Variants in SPMIP2 observed in about 807,000 individuals in gnomAD.
SPMIP2 encodes sperm microtubule inner protein 2.
chr4:158,961,544 T>C, the SPMIP2 span, among the ~76,000 whole-genome samples: 19,166 of 152,120 alleles, frequency 0.13, 1,986 homozygotes, highest in African/African-American at 0.28. Context: ...CCCCTGAAAA[T>C]TGAATTTGAA....
At chr4:158,902,624 G>C in the SPMIP2 span, among the ~76,000 whole-genome samples, 16 of 152,302 alleles carry the variant, frequency 1.1e-4, no homozygotes, top group Middle Eastern at 3.4e-3. Context: ...AAAGAGATGG[G>C]GGTTTTATCT....
chr4:158,904,774 C>A, the SPMIP2 span: 1 of 496,568 alleles, frequency 2.0e-6, no homozygotes, highest in Non-Finnish European at 3.6e-6. Flanking sequence ...CCATTTGTTA[C>A]CCATGAATCA....
the SPMIP2 span, among the ~76,000 whole-genome samples, chr4:159,054,927 C>T: frequency 2.7e-5 from 4 of 150,800 alleles, no homozygotes; most frequent in Middle Eastern, 3.4e-3. Context: ...AAGACAATAT[C>T]GAGCACCCCA....
chr4:159,023,369 A>G, the SPMIP2 span, among the ~76,000 whole-genome samples: 1 of 152,152 alleles, frequency 6.6e-6, no homozygotes, highest in Non-Finnish European at 1.5e-5. Flanking sequence ...TTGGAGTGGA[A>G]CTGTACCACC....
the SPMIP2 span, among the ~76,000 whole-genome samples, chr4:159,044,103 T>C: frequency 6.6e-6 from 1 of 152,186 alleles, no homozygotes; most frequent in Non-Finnish European, 1.5e-5. Flanking sequence ...TCTTGTTGTA[T>C]ATTTTATCAA....
At chr4:158,903,648 C>T in the SPMIP2 span, among the ~76,000 whole-genome samples, 1 of 152,158 alleles carries the variant, frequency 6.6e-6, no homozygotes, top group Non-Finnish European at 1.5e-5. Flanking sequence ...ACTAAAAGTA[C>T]TAGAGAACTT....
the SPMIP2 span, among the ~76,000 whole-genome samples, chr4:159,057,105 T>A: frequency 6.6e-6 from 1 of 152,176 alleles, no homozygotes; most frequent in Non-Finnish European, 1.5e-5. Flanking sequence ...GGAATTTATC[T>A]ATGGACAATG....
the SPMIP2 span, among the ~76,000 whole-genome samples, chr4:159,020,252 T>C: frequency 6.6e-6 from 1 of 152,298 alleles, no homozygotes; most frequent in East Asian, 1.9e-4. Flanking sequence ...TGTGCAATTG[T>C]AGAAGAGAAA....
chr4:159,047,235 A>G, the SPMIP2 span, among the ~76,000 whole-genome samples: 4 of 152,220 alleles, frequency 2.6e-5, no homozygotes, highest in African/African-American at 9.6e-5. Context: ...ATTTTTATAC[A>G]CAAACTGAAT....
chr4:159,024,943 C>T, the SPMIP2 span, among the ~76,000 whole-genome samples: 1 of 152,168 alleles, frequency 6.6e-6, no homozygotes, highest in Non-Finnish European at 1.5e-5. Flanking sequence ...CTACCACATG[C>T]CAGACACTAA....
At chr4:158,903,604 TTATCCCCTTCCTC>T in the SPMIP2 span, among the ~76,000 whole-genome samples, 2 of 152,158 alleles carry the variant, frequency 1.3e-5, no homozygotes, top group Non-Finnish European at 2.9e-5. Flanking sequence ...CATCCTTCCT[TTATCCCCTTCCTC>T]CCGTAGTCAG....
chr4:158,991,381 T>C, the SPMIP2 span, among the ~76,000 whole-genome samples: 6 of 152,144 alleles, frequency 3.9e-5, no homozygotes, highest in African/African-American at 1.2e-4. Context: ...AGCTCAGTAT[T>C]TGCAAAAAGT....
chr4:159,039,458 T>C, the SPMIP2 span, among the ~76,000 whole-genome samples: 2 of 152,088 alleles, frequency 1.3e-5, no homozygotes, highest in Admixed American at 6.5e-5. Context: ...CCCCCAGTTT[T>C]CTAGTTTGGC....
At chr4:158,985,118 C>A in the SPMIP2 span, among the ~76,000 whole-genome samples, 386 of 144,740 alleles carry the variant, frequency 2.7e-3, no homozygotes, top group African/African-American at 7.6e-3. Flanking sequence ...CAATAACAGG[C>A]TCTGAAATTG....
chr4:158,961,306 T>C, the SPMIP2 span, among the ~76,000 whole-genome samples: 2 of 152,132 alleles, frequency 1.3e-5, no homozygotes, highest in East Asian at 1.9e-4. Context: ...ACTTTCCTTA[T>C]TGACTACCAT....
the SPMIP2 span, among the ~76,000 whole-genome samples, chr4:159,080,449 A>G: frequency 6.6e-6 from 1 of 151,988 alleles, no homozygotes; most frequent in Non-Finnish European, 1.5e-5. Context: ...TGAACTCCTG[A>G]GCTCAAGCAG....
the SPMIP2 span, among the ~76,000 whole-genome samples, chr4:158,913,424 A>G: frequency 6.6e-6 from 1 of 151,958 alleles, no homozygotes; most frequent in Non-Finnish European, 1.5e-5. Context: ...GGGTCTCACT[A>G]TGTTGCCCAG....
chr4:158,941,087 T>C, the SPMIP2 span, among the ~76,000 whole-genome samples: 1 of 152,316 alleles, frequency 6.6e-6, no homozygotes, highest in Non-Finnish European at 1.5e-5. Flanking sequence ...TTGATCTCTA[T>C]GTCTAGGCCT....
chr4:158,967,055 C>T, the SPMIP2 span, among the ~76,000 whole-genome samples: 1 of 152,128 alleles, frequency 6.6e-6, no homozygotes. Context: ...ACAGAGGGTA[C>T]ACATCAGTGA....
Sources: gnomAD v4.1 joint callset for allele counts (sites outside exome capture counted in the v4.1 genomes callset) on GRCh38, gnomAD v4.1.1 for gene constraint, MANE v1.5 for transcripts, NCBI Gene and HGNC (gene_info 2026-07-23, HGNC 2026-07-21) for gene names.